Variants in GADL1 observed in about 807,000 individuals in gnomAD.
GADL1 encodes acidic amino acid decarboxylase GADL1.
GADL1 carries 71 observed loss-of-function variants against 69.5 expected under a neutral mutation model. That is an observed-to-expected ratio of 1.02 (90% CI 0.84 to 1.25). The LOEUF (loss-of-function observed/expected upper bound fraction) is 1.25. GADL1 is among the 50% of genes most tolerant of loss of function. GADL1 has a pLI of 0.00. For synonymous variants in GADL1, 254 were observed against 214.4 expected, an observed-to-expected ratio of 1.18 and a Z score of -1.62; for missense variants, 737 against 631.8, an observed-to-expected ratio of 1.17 and a Z score of -1.79.
At chr3:30,755,199 A>G (rs546474359) in intron 14 of GADL1, among the ~76,000 whole-genome samples, 1 of 152,300 alleles carries the variant, frequency 6.6e-6, no homozygotes, top group East Asian at 1.9e-4. Context: ...TGTAAATCAT[A>G]TCATTTATAT....
chr3:30,771,202 G>A (rs972458368), intron 14 of GADL1, among the ~76,000 whole-genome samples: 1 of 152,210 alleles, frequency 6.6e-6, no homozygotes, highest in Non-Finnish European at 1.5e-5. Flanking sequence ...TTCAGCTGAA[G>A]GAACACTCCA....
chr3:30,769,727 C>T (rs1163222146), intron 14 of GADL1, among the ~76,000 whole-genome samples: 1 of 152,198 alleles, frequency 6.6e-6, no homozygotes, highest in Non-Finnish European at 1.5e-5. Context: ...ACATTTGCCA[C>T]AAGGTCACCG....
intron 4 of GADL1, among the ~76,000 whole-genome samples, chr3:30,851,489 G>A (rs1380067825): frequency 2.0e-5 from 3 of 152,136 alleles, no homozygotes; most frequent in Admixed American, 6.6e-5. Context: ...TAATTTTACT[G>A]CAAAGCACTA....
At chr3:30,788,220 AAAG>A (rs753686122) in intron 12 of GADL1, among the ~76,000 whole-genome samples, 3 of 152,200 alleles carry the variant, frequency 2.0e-5, no homozygotes, top group South Asian at 2.1e-4. Context: ...AGTAATAATC[AAAG>A]AAGTGCAAAT....
intron 14 of GADL1, among the ~76,000 whole-genome samples, chr3:30,771,897 TC>T (rs60895506): frequency 0.24 from 36,044 of 152,084 alleles, 7,603 homozygotes; most frequent in African/African-American, 0.56. Context: ...TTCTAGCCGC[TC>T]CTAAGTCCAG....
chr3:30,861,758 A>G lies in GADL1; in HGVS notation c.45T>C (p.Ile15=). The G allele has an allele frequency of 6.5e-7, 1 of 1,544,108 alleles. No individual in the cohort carries two copies. The highest frequency in any genetic ancestry group is 8.7e-7 in the Non-Finnish European group (1 of 1,143,086). The change falls in exon 2 of 15, where the codon ATT becomes ATC. Residue 15 remains isoleucine (I), a synonymous_variant. Coordinates refer to ENST00000282538, the MANE Select transcript of GADL1 (RefSeq NM_207359.3). ...SDRQCPVDGD[I]DQQEMIPSKK... ...TACTTGGAATCATCTCTTGTTGATC[A>G]ATATCTCCTGGAAGCAAGCAAACAA...
chr3:30,834,038 G>A (rs1158572043), intron 10 of GADL1, 104 bp from the exon 11 acceptor site: 2 of 946,912 alleles, frequency 2.1e-6, no homozygotes, highest in African/African-American at 1.6e-5. Context: ...CTCATACATA[G>A]TTTACTGTTC....
chr3:30,883,589 A>G (rs928138853), intron 1 of GADL1, among the ~76,000 whole-genome samples: 3 of 151,994 alleles, frequency 2.0e-5, no homozygotes, highest in African/African-American at 7.2e-5. Flanking sequence ...AGTCCTCTAA[A>G]TTTCTTTTTC....
intron 14 of GADL1, among the ~76,000 whole-genome samples, chr3:30,744,107 T>C (rs1422407289): frequency 3.9e-5 from 6 of 152,138 alleles, no homozygotes. Context: ...GTTGCTGCAG[T>C]GTAACTAAGT....
At chr3:30,866,833 A>T (rs7647604) in intron 1 of GADL1, among the ~76,000 whole-genome samples, 20,047 of 152,100 alleles carry the variant, frequency 0.13, 1,404 homozygotes, top group South Asian at 0.18. Context: ...GAAAAAAGCC[A>T]TGTCTCATTT....
intron 2 of GADL1, among the ~76,000 whole-genome samples, chr3:30,857,555 G>C (rs1236368117): frequency 6.6e-6 from 1 of 151,968 alleles, no homozygotes; most frequent in African/African-American, 2.4e-5. Flanking sequence ...GAGAAATGGA[G>C]AGGAAATAAA....
intron 4 of GADL1, 51 bp downstream of exon 4, chr3:30,854,648 T>C: frequency 9.3e-7 from 1 of 1,073,808 alleles, no homozygotes; most frequent in Non-Finnish European, 1.4e-6. Flanking sequence ...TTCATCTACT[T>C]AAAGTCTCTA....
intron 11 of GADL1, among the ~76,000 whole-genome samples, chr3:30,829,977 G>A (rs1697760584): frequency 2.6e-5 from 4 of 151,822 alleles, no homozygotes; most frequent in Admixed American, 2.6e-4. Context: ...GTAAGTCTGG[G>A]GACTCTTCAA....
intron 8 of GADL1, among the ~76,000 whole-genome samples, chr3:30,840,739 A>G (rs886152819): frequency 4.6e-5 from 7 of 152,332 alleles, no homozygotes; most frequent in Non-Finnish European, 8.8e-5. Context: ...GATCTCATTA[A>G]AAATACAGGA....
intron 14 of GADL1, among the ~76,000 whole-genome samples, chr3:30,743,343 A>G (rs1261355025): frequency 2.0e-5 from 3 of 152,200 alleles, no homozygotes; most frequent in African/African-American, 7.2e-5. Context: ...TTATAACTCC[A>G]GCAAATAGGA....
chr3:30,862,276 A>G (rs973928201), intron 1 of GADL1, among the ~76,000 whole-genome samples: 7 of 152,000 alleles, frequency 4.6e-5, no homozygotes, highest in Non-Finnish European at 1.0e-4. Context: ...ACTCTACCAC[A>G]GGAGAGTTCG....
At chr3:30,853,781 C>G (rs7645688) in intron 4 of GADL1, among the ~76,000 whole-genome samples, 34,652 of 151,946 alleles carry the variant, frequency 0.23, 4,364 homozygotes, top group East Asian at 0.41. Context: ...CTTTCCCGCT[C>G]TATTCCTATC....
At chr3:30,860,368 A>C (rs1698303025) in intron 2 of GADL1, among the ~76,000 whole-genome samples, 1 of 151,990 alleles carries the variant, frequency 6.6e-6, no homozygotes, top group African/African-American at 2.4e-5. Context: ...GTCATAGCTA[A>C]TACTCAGTTA....
In GADL1 at chr3:30,857,154, C is replaced by G. The variant is rs747516137; in HGVS notation, c.211-13G>C. On this transcript the variant is annotated splice_polypyrimidine_tract_variant and intron_variant, in intron 2 of 14. Transcript: ENST00000282538. ...TCCATTCACACACCTGGAGATTCAA[C>G]CACAACACAAATTGAGTATCCACCA... 5.8e-6 allele frequency: 9 copies of G among 1,549,024 alleles called. No homozygotes were observed. The Admixed American group carries it at 9.8e-5, about 17-fold the overall frequency.
Sources: allele counts gnomAD v4.1 joint callset (sites outside exome capture counted in the v4.1 genomes callset), GRCh38; gene constraint gnomAD v4.1.1; transcripts MANE v1.5; gene names NCBI Gene and HGNC (gene_info 2026-07-23, HGNC 2026-07-21).